ITSN2: variants seen among roughly 807,000 people sequenced by gnomAD.
ITSN2 encodes intersectin 2, also known as intersectin-2.
A neutral mutation model predicts 243.7 loss-of-function variants in ITSN2; 156 were observed. That is an observed-to-expected ratio of 0.64 (90% confidence interval 0.56 to 0.73). ITSN2 has a LOEUF of 0.73. Among genes scored for constraint, ITSN2 ranks in the 30% least tolerant of loss-of-function variants. The pLI, the probability that ITSN2 is intolerant of heterozygous loss-of-function variation, is 0.00. For synonymous variants in ITSN2, 703 were observed against 699.9 expected, an observed-to-expected ratio of 1.00 and a Z score of -0.07; for missense variants, 1,801 against 1,996.1, an observed-to-expected ratio of 0.90 and a Z score of 1.86.
At chr2:24,290,583 A>G (rs960720439) in intron 15 of ITSN2, among the ~76,000 whole-genome samples, 3 of 152,168 alleles carry the variant, frequency 2.0e-5, no homozygotes, top group Non-Finnish European at 4.4e-5. Flanking sequence ...TTCCTGTTTT[A>G]TAATAGTTTT....
At chr2:24,272,228 A>G (rs532925336) in intron 18 of ITSN2, among the ~76,000 whole-genome samples, 1 of 152,266 alleles carries the variant, frequency 6.6e-6, no homozygotes, top group Non-Finnish European at 1.5e-5. Context: ...AAACTCAAGA[A>G]AAAAAGAAAA....
At chr2:24,276,730 T>C (rs984852949) in intron 17 of ITSN2, among the ~76,000 whole-genome samples, 1 of 152,174 alleles carries the variant, frequency 6.6e-6, no homozygotes, top group Non-Finnish European at 1.5e-5. Flanking sequence ...ACTCCTGACC[T>C]AAACAATCAC....
chr2:24,273,383 T>C (rs369414104), intron 18 of ITSN2, among the ~76,000 whole-genome samples: 1 of 152,220 alleles, frequency 6.6e-6, no homozygotes. Context: ...TAATATCCCC[T>C]TTCTCAGTTC....
chr2:24,282,900 T>C (rs771110753), intron 17 of ITSN2, among the ~76,000 whole-genome samples: 2 of 152,188 alleles, frequency 1.3e-5, no homozygotes, highest in Non-Finnish European at 2.9e-5. Flanking sequence ...CATTCCATCT[T>C]AATCTGCTTC....
intron 2 of ITSN2, among the ~76,000 whole-genome samples, chr2:24,324,800 CA>C (rs1485551320): frequency 7.6e-6 from 1 of 132,178 alleles, no homozygotes; most frequent in Non-Finnish European, 1.5e-5. Flanking sequence ...TTGCAGTGAG[CA>C]ATGTTCATGC....
chr2:24,335,423 C>T (rs903527360), intron 1 of ITSN2, among the ~76,000 whole-genome samples: 1 of 152,176 alleles, frequency 6.6e-6, no homozygotes, highest in Admixed American at 6.5e-5. Flanking sequence ...ACCTCTGCCA[C>T]CTGGGCTTGA....
intron 2 of ITSN2, among the ~76,000 whole-genome samples, chr2:24,315,632 C>A (rs1428980602): frequency 6.6e-6 from 1 of 152,198 alleles, no homozygotes; most frequent in Non-Finnish European, 1.5e-5. Context: ...GAACTGTAAT[C>A]CCCACGTGTC....
chr2:24,238,574 G>A (rs1672408905), intron 29 of ITSN2, among the ~76,000 whole-genome samples: 1 of 152,142 alleles, frequency 6.6e-6, no homozygotes, highest in Non-Finnish European at 1.5e-5. Flanking sequence ...CATTTGCAAT[G>A]AGTATTAATT....
intron 31 of ITSN2, 113 bp downstream of exon 31, chr2:24,217,794 G>T: frequency 1.7e-6 from 1 of 600,436 alleles, no homozygotes; most frequent in South Asian, 2.7e-5. Flanking sequence ...GCCTGAGGAA[G>T]CAGAAAGCAG....
chr2:24,259,369 CTT>C (rs1334626036), intron 22 of ITSN2, among the ~76,000 whole-genome samples: 3 of 152,176 alleles, frequency 2.0e-5, no homozygotes, highest in African/African-American at 4.8e-5. Context: ...ACCATCATCT[CTT>C]GTTATTTAGC....
At chr2:24,324,168 C>G (rs1001595472) in intron 2 of ITSN2, among the ~76,000 whole-genome samples, 3 of 152,062 alleles carry the variant, frequency 2.0e-5, no homozygotes, top group African/African-American at 7.2e-5. Flanking sequence ...GTAGGCGGAG[C>G]TTGCAGTGAG....
At chr2:24,262,325 T>A (rs1473653177) in intron 20 of ITSN2, among the ~76,000 whole-genome samples, 1 of 152,236 alleles carries the variant, frequency 6.6e-6, no homozygotes, top group Admixed American at 6.5e-5. Flanking sequence ...ATTTCCTTTT[T>A]TGTAAACTTT....
chr2:24,265,139 GAGA>G (rs1372243643), intron 20 of ITSN2, among the ~76,000 whole-genome samples: 1 of 152,170 alleles, frequency 6.6e-6, no homozygotes, highest in Non-Finnish European at 1.5e-5. Context: ...GTAAGAATTT[GAGA>G]AGAACAGACT....
At chr2:24,346,268 T>A (rs981766134) in intron 1 of ITSN2, among the ~76,000 whole-genome samples, 2 of 152,228 alleles carry the variant, frequency 1.3e-5, no homozygotes, top group African/African-American at 4.8e-5. Flanking sequence ...GTATGTGCTC[T>A]TGATAAGATG....
chr2:24,220,320 A>G lies in ITSN2; in HGVS notation c.3699+625T>C, dbSNP rs1002336473. On this transcript the variant is annotated intron_variant, in intron 30 of 39. Transcript: ENST00000355123. ...CTGAAAGGCATGGAAACAAAGGTAT[A>G]GTAGAAATGGAAAGTCTTCTTTTGT... 39 of 985,356 alleles carry G rather than the reference A, an allele frequency of 4.0e-5. No homozygotes were observed. In the East Asian group the frequency reaches 3.7e-3, roughly 95 times the overall value. 61.0% of individuals were successfully genotyped at this position (985,356 alleles called of 1,614,324 possible).
chr2:24,261,785 C>G (rs370500754), intron 20 of ITSN2, 43 bp from the exon 21 acceptor site: 5 of 1,427,996 alleles, frequency 3.5e-6, no homozygotes, highest in Non-Finnish European at 4.9e-6. Context: ...TAGAAATTCA[C>G]ACATTTACAA....
intron 2 of ITSN2, among the ~76,000 whole-genome samples, chr2:24,324,015 G>A (rs1048139380): frequency 2.0e-5 from 3 of 152,110 alleles, no homozygotes; most frequent in African/African-American, 7.2e-5. Context: ...GGTGGATCAC[G>A]AGGTCAGGAG....
In ITSN2 at chr2:24,301,961, T is replaced by A; in HGVS notation, c.995+4A>T. ...CATAGTTCTCCACCTCCAGGCACAC[T>A]CACCTGAAAGATGGAGGAACAAGCT... On this transcript the variant is annotated splice_donor_region_variant and intron_variant, in intron 10 of 39. Transcript: ENST00000355123. 6.2e-7 allele frequency: 1 copy of A among 1,605,730 alleles called. No individual in the cohort carries two copies. Among genetic ancestry groups the A allele is most frequent in the South Asian group, 1.1e-5 (1 of 89,764 alleles).
intron 29 of ITSN2, among the ~76,000 whole-genome samples, chr2:24,223,683 CAAAAA>C (rs61310660): frequency 3.4e-5 from 3 of 87,336 alleles, no homozygotes; most frequent in African/African-American, 8.0e-5. Context: ...GACCCTGTTT[CAAAAA>C]AAAAAAAAAA....
Sources: allele counts gnomAD v4.1 joint callset (sites outside exome capture counted in the v4.1 genomes callset), GRCh38; gene constraint gnomAD v4.1.1; transcripts MANE v1.5; gene names NCBI Gene and HGNC (gene_info 2026-07-23, HGNC 2026-07-21).